Variants in VTI1A observed in about 807,000 individuals in gnomAD.
VTI1A encodes the protein vesicle transport through interaction with t-SNAREs 1A, also known as vesicle transport through interaction with t-SNAREs homolog 1A.
VTI1A carries 22 observed loss-of-function variants against 34.9 expected under a neutral mutation model. That is an observed-to-expected ratio of 0.63 (90% CI 0.45 to 0.90). The LOEUF (loss-of-function observed/expected upper bound fraction) is 0.90, where lower values mean the gene tolerates loss of function less well. VTI1A is among the 40% of genes least tolerant of loss of function. The pLI, the probability that VTI1A is intolerant of heterozygous loss-of-function variation, is 0.00. For synonymous variants in VTI1A, 87 were observed against 97.3 expected, an observed-to-expected ratio of 0.89 and a Z score of 0.62; for missense variants, 268 against 275.6, an observed-to-expected ratio of 0.97 and a Z score of 0.20.
At chr10:112,496,185 A>ACCCCCCCCCCCCCCCCCC (rs66554158) in intron 3 of VTI1A, among the ~76,000 whole-genome samples, 2 of 27,838 alleles carry the variant, frequency 7.2e-5, no homozygotes, top group Non-Finnish European at 1.3e-4. Context: ...AAATGGGGAG[A>ACCCCCCCCCCCCCCCCCC]CCCCCCCCCC....
At chr10:112,797,410 C>G (rs76569056) in intron 7 of VTI1A, among the ~76,000 whole-genome samples, 1,749 of 152,308 alleles carry the variant, frequency 0.011, 25 homozygotes, top group Non-Finnish European at 0.019. Context: ...AGGTCCATGT[C>G]GTTAAGACAA....
At chr10:112,575,031 C>T (rs1389593265) in intron 5 of VTI1A, among the ~76,000 whole-genome samples, 1 of 152,098 alleles carries the variant, frequency 6.6e-6, no homozygotes, top group Non-Finnish European at 1.5e-5. Flanking sequence ...TTTACACAGC[C>T]AGGTAGTGGT....
intron 5 of VTI1A, among the ~76,000 whole-genome samples, chr10:112,607,326 G>T (rs2134497760): frequency 6.6e-6 from 1 of 152,038 alleles, no homozygotes; most frequent in East Asian, 1.9e-4. Flanking sequence ...GAGAGATTGA[G>T]TGGCTGTCCA....
At chr10:112,517,798 G>A (rs1003783547) in intron 3 of VTI1A, among the ~76,000 whole-genome samples, 1 of 151,958 alleles carries the variant, frequency 6.6e-6, no homozygotes, top group Non-Finnish European at 1.5e-5. Flanking sequence ...AACTGTCAAG[G>A]TCATCAAAAA....
At chr10:112,640,561 C>CA (rs955796948) in intron 5 of VTI1A, among the ~76,000 whole-genome samples, 19 of 150,522 alleles carry the variant, frequency 1.3e-4, no homozygotes, top group Non-Finnish European at 2.1e-4. Flanking sequence ...ACAACAACAA[C>CA]AAAAAAAAAC....
chr10:112,643,377 T>C (rs1846656878), intron 5 of VTI1A, among the ~76,000 whole-genome samples: 1 of 152,250 alleles, frequency 6.6e-6, no homozygotes, highest in Non-Finnish European at 1.5e-5. Flanking sequence ...TTATTGAATG[T>C]CCTGTGATTT....
chr10:112,606,070 G>A (rs534241602), intron 5 of VTI1A, among the ~76,000 whole-genome samples: 4 of 150,442 alleles, frequency 2.7e-5, no homozygotes, highest in Non-Finnish European at 5.9e-5. Flanking sequence ...TGTTGCCCAG[G>A]CTGGAGTGCA....
chr10:112,534,822 C>T (rs1850565450), intron 4 of VTI1A, among the ~76,000 whole-genome samples: 1 of 152,034 alleles, frequency 6.6e-6, no homozygotes, highest in Non-Finnish European at 1.5e-5. Flanking sequence ...AGAGTATGTG[C>T]TTGTTGTATT....
intron 5 of VTI1A, among the ~76,000 whole-genome samples, chr10:112,657,857 A>G (rs1268580233): frequency 2.6e-5 from 4 of 152,248 alleles, no homozygotes; most frequent in Middle Eastern, 3.4e-3. Context: ...ACAGAACAAC[A>G]AAAAGATGTG....
intron 3 of VTI1A, among the ~76,000 whole-genome samples, chr10:112,521,915 G>A (rs1850041137): frequency 6.6e-6 from 1 of 151,898 alleles, no homozygotes; most frequent in Non-Finnish European, 1.5e-5. Flanking sequence ...TGCAGGGGTG[G>A]TGTGTGGCTG....
intron 2 of VTI1A, 65 bp from the exon 3 acceptor site, chr10:112,464,482 G>A (rs184588751): frequency 1.0e-4 from 145 of 1,418,024 alleles, no homozygotes; most frequent in Middle Eastern, 1.8e-4. Flanking sequence ...CCTTTCAGCC[G>A]TAAACATTTG....
chr10:112,459,954 G>GA (rs942206385), intron 1 of VTI1A, among the ~76,000 whole-genome samples: 1 of 151,960 alleles, frequency 6.6e-6, no homozygotes, highest in African/African-American at 2.4e-5. Flanking sequence ...GTGAGTCTCA[G>GA]AAAAAAAGAG....
chr10:112,778,499 A>AT (rs139819711), intron 7 of VTI1A, among the ~76,000 whole-genome samples: 18,285 of 152,192 alleles, frequency 0.12, 1,701 homozygotes, highest in East Asian at 0.25. Flanking sequence ...AAAATGTTGT[A>AT]TTTTTAAAAA....
chr10:112,596,811 G>A (rs1844665431), intron 5 of VTI1A, among the ~76,000 whole-genome samples: 1 of 152,002 alleles, frequency 6.6e-6, no homozygotes, highest in South Asian at 2.1e-4. Context: ...TTTTGCTGAT[G>A]TGTTTATGTT....
chr10:112,822,001 A>G (rs533903798), downstream of VTI1A, among the ~76,000 whole-genome samples: 254 of 152,312 alleles, frequency 1.7e-3, no homozygotes, highest in Non-Finnish European at 2.9e-3. Flanking sequence ...GGAACACTGG[A>G]AAAATGCAGA....
intron 5 of VTI1A, among the ~76,000 whole-genome samples, chr10:112,591,891 T>G (rs188737621): frequency 6.6e-6 from 1 of 152,336 alleles, no homozygotes; most frequent in East Asian, 1.9e-4. Flanking sequence ...GTGGGCCTAA[T>G]CCAATCATGT....
intron 5 of VTI1A, among the ~76,000 whole-genome samples, chr10:112,631,901 C>T (rs930776790): frequency 6.2e-4 from 94 of 152,246 alleles, no homozygotes; most frequent in African/African-American, 2.2e-3. Flanking sequence ...CCTTTTATTT[C>T]GCCTATTTTT....
intron 7 of VTI1A, among the ~76,000 whole-genome samples, chr10:112,757,351 ATTTTTTTTTTTT>A (rs1175362768): frequency 0.011 from 435 of 40,708 alleles, 6 homozygotes; most frequent in African/African-American, 0.042. Flanking sequence ...TGTTGCTGTG[ATTTTTTTTTTTT>A]TTTTTTTTTT....
chr10:112,566,684 T>C (rs1387691977), intron 5 of VTI1A, among the ~76,000 whole-genome samples: 3 of 152,180 alleles, frequency 2.0e-5, no homozygotes, highest in Non-Finnish European at 4.4e-5. Flanking sequence ...ATTTACCCCT[T>C]AGCAAACGTT....
Sources: allele counts gnomAD v4.1 joint callset (sites outside exome capture counted in the v4.1 genomes callset), GRCh38; gene constraint gnomAD v4.1.1; transcripts MANE v1.5; gene names NCBI Gene and HGNC (gene_info 2026-07-23, HGNC 2026-07-21).